KIAA0825: variants seen among roughly 807,000 people sequenced by gnomAD.
KIAA0825 encodes the protein uncharacterized protein KIAA0825.
Under a neutral mutation model 147.6 loss-of-function variants are expected in KIAA0825, and 119 were observed. That is an observed-to-expected ratio of 0.81 (90% confidence interval 0.69 to 0.94). The LOEUF is 0.94. Among genes scored for constraint, KIAA0825 ranks in the 40% least tolerant of loss-of-function variants. KIAA0825 has a pLI of 0.00. For missense variants in KIAA0825, 1,381 were observed against 1,472.7 expected (o/e 0.94, Z 1.02); for synonymous variants, 470 against 518.1 (o/e 0.91, Z 1.26).
chr5:94,427,945 T>C (rs1755107145), intron 14 of KIAA0825, among the ~76,000 whole-genome samples: 1 of 152,198 alleles, frequency 6.6e-6, no homozygotes, highest in Non-Finnish European at 1.5e-5. Flanking sequence ...TTGAACTCTT[T>C]GTCATTATGT....
At chr5:94,569,442 T>G (rs2152320064) in intron 2 of KIAA0825, 1 of 407,084 alleles carries the variant, frequency 2.5e-6, no homozygotes, top group Admixed American at 4.5e-5. Flanking sequence ...AAAACCACAC[T>G]TAACAAAAAT....
At chr5:94,213,669 TCTTA>T in intron 20 of KIAA0825, among the ~76,000 whole-genome samples, 1 of 152,350 alleles carries the variant, frequency 6.6e-6, no homozygotes, top group East Asian at 1.9e-4. Flanking sequence ...AAAGTCACAT[TCTTA>T]CTCACCTTGA....
chr5:94,300,017 A>G (rs981833070), intron 20 of KIAA0825, among the ~76,000 whole-genome samples: 49 of 152,114 alleles, frequency 3.2e-4, no homozygotes, highest in African/African-American at 1.2e-3. Context: ...ACGTCTTATA[A>G]TATTTTACAA....
intron 1 of KIAA0825, among the ~76,000 whole-genome samples, chr5:94,597,345 T>C (rs115356135): frequency 0.018 from 2,734 of 152,156 alleles, 66 homozygotes; most frequent in African/African-American, 0.053. Flanking sequence ...TGAATTAAAT[T>C]AGAAATCAAT....
intron 20 of KIAA0825, among the ~76,000 whole-genome samples, chr5:94,341,117 G>A (rs2150328647): frequency 6.6e-6 from 1 of 152,264 alleles, no homozygotes; most frequent in African/African-American, 2.4e-5. Context: ...AATAATATCT[G>A]TGTAATAAAA....
intron 18 of KIAA0825, among the ~76,000 whole-genome samples, chr5:94,390,571 C>A (rs2150556341): frequency 6.6e-6 from 1 of 152,338 alleles, no homozygotes; most frequent in South Asian, 2.1e-4. Context: ...AAATTTCTTA[C>A]ATCCTTCTCA....
intron 2 of KIAA0825, among the ~76,000 whole-genome samples, chr5:94,560,871 TAC>T (rs1351437108): frequency 2.0e-5 from 3 of 152,230 alleles, no homozygotes; most frequent in African/African-American, 7.2e-5. Context: ...CACGCACATA[TAC>T]ACACATTTGG....
chr5:94,164,939 C>T (rs1767900867), intron 20 of KIAA0825, among the ~76,000 whole-genome samples: 1 of 152,146 alleles, frequency 6.6e-6, no homozygotes, highest in African/African-American at 2.4e-5. Context: ...ATCTCCAGGA[C>T]ATTAGTCTGG....
chr5:94,243,985 CA>C (rs1775481769), intron 20 of KIAA0825, among the ~76,000 whole-genome samples: 1 of 152,058 alleles, frequency 6.6e-6, no homozygotes, highest in African/African-American at 2.4e-5. Flanking sequence ...TCTCTTTTTT[CA>C]GGAATCCACA....
chr5:94,582,996 GTC>G (rs1297841182), intron 1 of KIAA0825, among the ~76,000 whole-genome samples: 2 of 152,056 alleles, frequency 1.3e-5, no homozygotes, highest in Non-Finnish European at 2.9e-5. Flanking sequence ...TATTAAAACC[GTC>G]TTTTCCCCAT....
intron 2 of KIAA0825, among the ~76,000 whole-genome samples, chr5:94,554,747 T>TC (rs1554044768): frequency 7.4e-6 from 1 of 136,052 alleles, no homozygotes; most frequent in Non-Finnish European, 1.6e-5. Context: ...TATATATATA[T>TC]ATATATATAT....
At chr5:94,355,465 G>C (rs1469666486) in intron 20 of KIAA0825, among the ~76,000 whole-genome samples, 2 of 152,122 alleles carry the variant, frequency 1.3e-5, no homozygotes, top group African/African-American at 4.8e-5. Flanking sequence ...ACGATATATA[G>C]AGTTAAATAA....
chr5:94,222,174 T>G (rs1773721589), intron 20 of KIAA0825, among the ~76,000 whole-genome samples: 2 of 152,172 alleles, frequency 1.3e-5, no homozygotes, highest in Admixed American at 1.3e-4. Flanking sequence ...TTGCCCATAC[T>G]GAAAGCTAAC....
intron 8 of KIAA0825, among the ~76,000 whole-genome samples, chr5:94,472,074 T>G (rs1185197163): frequency 6.6e-6 from 1 of 152,216 alleles, no homozygotes; most frequent in African/African-American, 2.4e-5. Context: ...CAAGAAAATG[T>G]ATCCTTCATA....
At chr5:94,206,301 GAA>G (rs1772194400) in intron 20 of KIAA0825, among the ~76,000 whole-genome samples, 1 of 151,948 alleles carries the variant, frequency 6.6e-6, no homozygotes, top group Admixed American at 6.6e-5. Flanking sequence ...TCACGTTTTT[GAA>G]GTCTTTTTAG....
At chr5:94,612,268 T>A (rs765536646) in intron 1 of KIAA0825, among the ~76,000 whole-genome samples, 1 of 152,190 alleles carries the variant, frequency 6.6e-6, no homozygotes, top group Non-Finnish European at 1.5e-5. Flanking sequence ...GAAATTCAAA[T>A]GTATTTGTAA....
intron 2 of KIAA0825, among the ~76,000 whole-genome samples, chr5:94,578,355 A>G (rs1781442621): frequency 6.6e-6 from 1 of 152,194 alleles, no homozygotes; most frequent in Admixed American, 6.5e-5. Context: ...GAATTATATA[A>G]TTTTCCTGAG....
rs1056805765 is a variant in KIAA0825 at position 94,242,189 on chromosome 5, C to T, written c.3711-88065G>A. Among the ~76,000 whole-genome samples, 15 of 152,192 alleles carry T rather than the reference C, an allele frequency of 9.9e-5. 1 individual carries two copies. Among genetic ancestry groups the T allele is most frequent in the African/African-American group, 3.4e-4 (14 of 41,434 alleles). ...CTCTTGAGGAACATTTCAAAGTATA[C>T]GGTTGCCATTTCAGATTCAACTTGT... On this transcript the variant is annotated intron_variant, in intron 20 of 20. Transcript: ENST00000682413.
intron 2 of KIAA0825, among the ~76,000 whole-genome samples, chr5:94,561,175 G>A (rs903867397): frequency 6.6e-6 from 1 of 152,084 alleles, no homozygotes; most frequent in Admixed American, 6.5e-5. Flanking sequence ...CTACATAATG[G>A]ATCCCAATAA....
Sources: gnomAD v4.1 joint callset for allele counts (sites outside exome capture counted in the v4.1 genomes callset) on GRCh38, gnomAD v4.1.1 for gene constraint, MANE v1.5 for transcripts, NCBI Gene and HGNC (gene_info 2026-07-23, HGNC 2026-07-21) for gene names.